The following ANKRD24 variants were observed in gnomAD, a reference collection of about 807,000 sequenced individuals.
The protein encoded by ANKRD24 is ankyrin repeat domain 24.
In ANKRD24, 109 loss-of-function variants were observed where a neutral mutation model predicts 127.8. The ratio of observed to expected loss-of-function variants is 0.85; its 90% CI spans 0.73 to 1.00. The LOEUF (loss-of-function observed/expected upper bound fraction) is 1.00. ANKRD24 is among the 50% of genes least tolerant of loss of function. ANKRD24 has a pLI of 0.00. For synonymous variants in ANKRD24, 743 were observed against 671.1 expected, an observed-to-expected ratio of 1.11 and a Z score of -1.66; for missense variants, 1,648 against 1,570.2, an observed-to-expected ratio of 1.05 and a Z score of -0.84.
At chr19:4,200,305 C>T in intron 5 of ANKRD24, 134 bp downstream of exon 5, 2 of 986,866 alleles carry the variant, frequency 2.0e-6, no homozygotes, top group East Asian at 5.3e-5. Flanking sequence ...GGTGCTCCTC[C>T]CCTGCCCCCA....
intron 7 of ANKRD24, among the ~76,000 whole-genome samples, chr19:4,206,642 G>T (rs1464432155): frequency 6.6e-6 from 1 of 151,878 alleles, no homozygotes; most frequent in African/African-American, 2.4e-5. Flanking sequence ...AAAAGTATAG[G>T]GAACCACAGT....
chr19:4,186,420 C>A lies in ANKRD24; in HGVS notation c.-6C>A, dbSNP rs761212267. On this transcript the variant is annotated 5_prime_UTR_variant, in exon 2 of 22. Transcript: ENST00000318934. Reference sequence around the variant, plus strand: ...CTGTGGAGAGGAGAAACACAGGGCACCAACTATGAAGACTCTCAGGGCGCG... The same window carrying A: ...CTGTGGAGAGGAGAAACACAGGGCAACAACTATGAAGACTCTCAGGGCGCG... 1.3e-6 allele frequency: 2 copies of A among 1,587,740 alleles called. No homozygotes were observed. The highest frequency in any genetic ancestry group is 2.3e-5 in the South Asian group (2 of 86,730).
chr19:4,222,498 A>G (rs77945934), intron 19 of ANKRD24, among the ~76,000 whole-genome samples, 172 bp from the exon 20 acceptor site: 13,712 of 152,218 alleles, frequency 0.09, 786 homozygotes, highest in Non-Finnish European at 0.13. Context: ...AAATAAATAC[A>G]ATTAAAACAG....
chr19:4,214,786 G>A (rs1307880905), intron 15 of ANKRD24, among the ~76,000 whole-genome samples: 3 of 152,114 alleles, frequency 2.0e-5, no homozygotes, highest in Non-Finnish European at 4.4e-5. Flanking sequence ...CTCAGGAGGC[G>A]GAGGTTGCAG....
At chr19:4,187,142 G>A (rs1968110281) in intron 2 of ANKRD24, among the ~76,000 whole-genome samples, 1 of 152,106 alleles carries the variant, frequency 6.6e-6, no homozygotes, top group Middle Eastern at 3.2e-3. Flanking sequence ...GCTGGGCGTG[G>A]TGGCTCACAC....
Position 4,216,638 on chromosome 19 carries a change from G to C in ANKRD24, c.1478G>C (p.Arg493Pro). 1.9e-6 allele frequency: 3 copies of C among 1,607,856 alleles called. No homozygotes were observed. The highest frequency in any genetic ancestry group is 1.3e-5 in the African/African-American group (1 of 74,942). ...VIPLALYDSLRAEFDQLRRQH... is the reference protein window; with the variant it reads ...VIPLALYDSLPAEFDQLRRQH... Reference sequence around the variant, plus strand: ...CCTCTTGCCCTCTATGACTCTCTCCGGGCCGAGTTTGACCAGCTACGCAGG... The same window carrying C: ...CCTCTTGCCCTCTATGACTCTCTCCCGGCCGAGTTTGACCAGCTACGCAGG... Residue 493 changes from arginine (R) to proline (P), a missense_variant, in exon 18 of 22, where the codon CGG becomes CCG. Physicochemically the swap from Arg to Pro is moderately radical, Grantham distance 103. Transcript: ENST00000318934.
chr19:4,192,898 C>T (rs1968461603), intron 2 of ANKRD24, among the ~76,000 whole-genome samples: 1 of 151,976 alleles, frequency 6.6e-6, no homozygotes, highest in African/African-American at 2.4e-5. Flanking sequence ...TGTACCACTG[C>T]ACTCCAGCCT....
intron 2 of ANKRD24, among the ~76,000 whole-genome samples, chr19:4,197,950 TG>T (rs1344110862): frequency 3.3e-5 from 5 of 152,190 alleles, no homozygotes; most frequent in African/African-American, 1.2e-4. Context: ...AATGAATGAA[TG>T]GGCGGGCCGG....
chr19:4,210,453 C>A, intron 13 of ANKRD24, 81 bp downstream of exon 13: 1 of 1,243,496 alleles, frequency 8.0e-7, no homozygotes, highest in Non-Finnish European at 1.1e-6. Flanking sequence ...ACTTTTCTCC[C>A]ACCTTCCCTC....
chr19:4,210,465 TC>T, intron 13 of ANKRD24, 93 bp downstream of exon 13: 1 of 1,136,724 alleles, frequency 8.8e-7, no homozygotes, highest in Non-Finnish European at 1.2e-6. Flanking sequence ...CCTTCCCTCC[TC>T]CATCTCTCTC....
At position 4,198,486 on chromosome 19, in the gene ANKRD24, C is replaced by G. The variant is rs1451616312; in HGVS notation, c.37-1197C>G. 1 of 623,576 alleles carries G rather than the reference C, an allele frequency of 1.6e-6. No individual in the cohort carries two copies. Among genetic ancestry groups the G allele is most frequent in the East Asian group, 3.4e-5 (1 of 29,556 alleles). The allele number at this position is 623,576 out of a possible 1,614,324, so 38.6% of individuals were successfully genotyped here. On this transcript the variant is annotated intron_variant, in intron 2 of 21. Coordinates refer to ENST00000318934, the MANE Select transcript of ANKRD24 (RefSeq NM_001393985.1). The surrounding 1 kb of genome is among the most constrained non-coding windows in gnomAD (Gnocchi z 6.1). ...CGTGCGCCCCCCGCGCCCCGCGCCC[C>G]GGACGCCATGAAGCAGCTGTGTCTG... is the stretch of plus-strand genomic sequence containing the variant.
At chr19:4,193,845 G>GAAGGAAGGA (rs1555712178) in intron 2 of ANKRD24, among the ~76,000 whole-genome samples, 1 of 40,590 alleles carries the variant, frequency 2.5e-5, no homozygotes, top group African/African-American at 1.3e-4. Context: ...GGGAGGGAGG[G>GAAGGAAGGA]AGGAAGGAAG....
intron 2 of ANKRD24, among the ~76,000 whole-genome samples, chr19:4,188,456 C>T (rs746647882): frequency 8.8e-5 from 13 of 147,620 alleles, no homozygotes; most frequent in African/African-American, 3.0e-4. Flanking sequence ...CTATCTCAAC[C>T]GACTACAGCC....
rs1371607450 is a variant in ANKRD24 at position 4,217,415 on chromosome 19, G to A, written c.2255G>A (p.Gly752Glu). ...EAAAELEAAL[G>E]KCEAAEAEAG... ...GCTGCGGAGCTGGAGGCGGCCCTGG[G>A]GAAGTGCGAGGCCGCGGAGGCCGAG... The change falls in exon 18 of 22, where the codon GGG (glycine) becomes GAG (glutamate). Residue 752 changes from glycine to glutamate, a missense_variant. Transcript: ENST00000318934. The A allele has an allele frequency of 1.3e-6, 2 of 1,548,100 alleles. No homozygotes were observed. Among genetic ancestry groups the A allele is most frequent in the African/African-American group, 1.4e-5 (1 of 72,874 alleles).
chr19:4,182,965 T>TTGTGTGTGTTTGTGTGTG (rs1967815409), intron 1 of ANKRD24, among the ~76,000 whole-genome samples: 1 of 138,582 alleles, frequency 7.2e-6, no homozygotes, highest in Non-Finnish European at 1.6e-5. Context: ...AATATCTCAT[T>TTGTGTGTGTTTGTGTGTG]TGTGTGTGTG....
At position 4,216,729 on chromosome 19, in the gene ANKRD24, G is replaced by A. The variant is rs76485298; in HGVS notation, c.1569G>A (p.Gly523=). 5.0e-4 allele frequency: 784 copies of A among 1,577,070 alleles called. 9 individuals carry two copies. The East Asian group carries it at 0.017, about 35-fold the overall frequency. ...CACGAGAGGTCCCCAGAGAAGAGGG[G>A]GCAGCCTGTGGGGAGAGTGAGGTTG... The part of the protein sequence containing the change: ...QETREVPREE[G]AACGESEVAG... Residue 523 remains glycine, a synonymous_variant, in exon 18 of 22, where the codon GGG becomes GGA. Transcript: ENST00000318934.
intron 19 of ANKRD24, among the ~76,000 whole-genome samples, chr19:4,220,322 G>A (rs1970374546): frequency 6.6e-6 from 1 of 152,102 alleles, no homozygotes; most frequent in African/African-American, 2.4e-5. Context: ...CCTGTGGACT[G>A]GATGCATTTA....
At chr19:4,201,200 G>A (rs1406945178) in intron 5 of ANKRD24, among the ~76,000 whole-genome samples, 1 of 152,072 alleles carries the variant, frequency 6.6e-6, no homozygotes, top group African/African-American at 2.4e-5. Context: ...AGATAAAAAT[G>A]TGTGGCCAAA....
At chr19:4,193,663 C>G (rs548209578) in intron 2 of ANKRD24, among the ~76,000 whole-genome samples, 106 of 151,848 alleles carry the variant, frequency 7.0e-4, no homozygotes, top group Non-Finnish European at 1.2e-3. Context: ...ATGGTGATAC[C>G]CCGTCTCTAC....
Sources: allele counts gnomAD v4.1 joint callset (sites outside exome capture counted in the v4.1 genomes callset), GRCh38; gene constraint gnomAD v4.1.1; non-coding constraint Gnocchi (gnomAD v3.1); transcripts MANE v1.5; gene names NCBI Gene and HGNC (gene_info 2026-07-23, HGNC 2026-07-21).